Variants in PLCG2 observed in about 807,000 individuals in gnomAD.
PLCG2 encodes the protein 1-phosphatidylinositol 4,5-bisphosphate phosphodiesterase gamma-2.
PLCG2 carries 69 observed loss-of-function variants against 175.6 expected under a neutral mutation model. That is an observed-to-expected ratio of 0.39 (90% CI 0.32 to 0.48). The LOEUF (loss-of-function observed/expected upper bound fraction) is 0.48. Ranked by LOEUF, PLCG2 falls within the 20% of genes least tolerant of loss-of-function variation. The probability of loss-of-function intolerance (pLI) is 0.91; values close to 1 mark genes in which losing one functional copy is unlikely to be tolerated. For synonymous variants in PLCG2, 827 were observed against 624.0 expected (o/e 1.33, Z -4.85); for missense variants, 1,798 against 1,650.9 (o/e 1.09, Z -1.54).
chr16:81,873,876 G>C (rs4888184), intron 7 of PLCG2, among the ~76,000 whole-genome samples: 2 of 152,126 alleles, frequency 1.3e-5, no homozygotes, highest in Non-Finnish European at 1.5e-5. Flanking sequence ...CATTCCACAT[G>C]AGAGGTATTT....
At chr16:81,896,457 A>G (rs12933680) in intron 13 of PLCG2, among the ~76,000 whole-genome samples, 53,845 of 150,040 alleles carry the variant, frequency 0.36, 11,181 homozygotes, top group East Asian at 0.72. Flanking sequence ...ATGTGCCTGT[A>G]GTCCCAGTTA....
At chr16:81,779,256 C>G (rs1263394103), upstream of PLCG2, 1 of 151,010 alleles carries the variant, frequency 6.6e-6, no homozygotes, top group Non-Finnish European at 1.5e-5. Context: ...GGGGCGGCCC[C>G]CGAGGATCAC....
intron 31 of PLCG2, among the ~76,000 whole-genome samples, chr16:81,949,154 G>A (rs1911269671): frequency 6.6e-6 from 1 of 152,204 alleles, no homozygotes; most frequent in African/African-American, 2.4e-5. Flanking sequence ...TGGGCTGGGA[G>A]GACAGATGCC....
chr16:81,912,448 G>T (rs2035907915), intron 18 of PLCG2, 149 bp from the exon 19 acceptor site: 1 of 926,582 alleles, frequency 1.1e-6, no homozygotes. Flanking sequence ...AGGTGCCTTT[G>T]TCTGGGGAAG....
intron 2 of PLCG2, among the ~76,000 whole-genome samples, chr16:81,813,743 C>T (rs1201573051): frequency 3.3e-5 from 5 of 149,764 alleles, no homozygotes. Context: ...TTCTGGGCCA[C>T]CAGTGTTCCT....
intron 27 of PLCG2, chr16:81,937,539 T>C: frequency 2.3e-6 from 1 of 430,350 alleles, no homozygotes; most frequent in Non-Finnish European, 4.1e-6. Context: ...TTTTCTTTTA[T>C]GATTCGGGAT....
At chr16:81,751,339 T>G (rs1909808940) in intron 1 of PLCG2, among the ~76,000 whole-genome samples, 1 of 152,172 alleles carries the variant, frequency 6.6e-6, no homozygotes. Flanking sequence ...TGGATAAAGA[T>G]GGAGAACATT....
rs551017724 is a variant in PLCG2 at position 81,755,424 on chromosome 16, TC to T, written c.-144-445del. Among the ~76,000 whole-genome samples, 738 of 151,684 alleles carry T rather than the reference TC, an allele frequency of 4.9e-3. 7 individuals carry two copies. Among genetic ancestry groups the T allele is most frequent in the Non-Finnish European group, 8.2e-3 (554 of 67,908 alleles). ...TGTCACTATGTTGCCCAGGCTGGTC[TC>T]AAACTTCTGAGCTCTAGTGATCTGC... On this transcript the variant is annotated intron_variant, in intron 1 of 5. Coordinates refer to the PLCG2 transcript ENST00000565054.
chr16:81,759,352 C>G (rs1009703520), intron 2 of PLCG2, among the ~76,000 whole-genome samples: 1 of 152,136 alleles, frequency 6.6e-6, no homozygotes, highest in Non-Finnish European at 1.5e-5. Context: ...GAAAAAGAAC[C>G]TCCCACAGAC....
intron 19 of PLCG2, among the ~76,000 whole-genome samples, chr16:81,916,303 AAAC>A (rs911126315): frequency 5.9e-5 from 9 of 151,928 alleles, no homozygotes; most frequent in Non-Finnish European, 8.8e-5. Context: ...AAAAGAAAAA[AAAC>A]AACGTTTTTT....
intron 12 of PLCG2, among the ~76,000 whole-genome samples, 174 bp downstream of exon 12, chr16:81,893,968 T>C (rs1597113688): frequency 6.6e-6 from 1 of 150,680 alleles, no homozygotes; most frequent in South Asian, 2.1e-4. Flanking sequence ...TTTCTTTTTT[T>C]TTTTTTTTTT....
chr16:81,933,856 G>A (rs1910603802), intron 25 of PLCG2, among the ~76,000 whole-genome samples: 1 of 152,204 alleles, frequency 6.6e-6, no homozygotes, highest in Admixed American at 6.5e-5. Flanking sequence ...ATCCTTACAT[G>A]CAAGGAGTTA....
intron 2 of PLCG2, among the ~76,000 whole-genome samples, chr16:81,794,374 G>A (rs1043531923): frequency 3.3e-5 from 5 of 152,136 alleles, no homozygotes; most frequent in East Asian, 1.9e-4. Flanking sequence ...TTATTTTCTC[G>A]CTGGCATCTC....
intron 2 of PLCG2, among the ~76,000 whole-genome samples, chr16:81,829,850 A>G (rs1905190878): frequency 6.6e-6 from 1 of 151,438 alleles, no homozygotes; most frequent in Non-Finnish European, 1.5e-5. Flanking sequence ...TGGATGGGGA[A>G]GGAACCTCTG....
chr16:81,910,333 C>T (rs1275889846), intron 17 of PLCG2, among the ~76,000 whole-genome samples, 187 bp from the exon 18 acceptor site: 3 of 152,196 alleles, frequency 2.0e-5, no homozygotes, highest in Non-Finnish European at 4.4e-5. Flanking sequence ...TCAGGTGATC[C>T]ACCCGTCTCG....
chr16:81,944,634 TTTTTA>T (rs1266355822), intron 30 of PLCG2, among the ~76,000 whole-genome samples: 8 of 152,072 alleles, frequency 5.3e-5, no homozygotes, highest in Non-Finnish European at 8.8e-5. Context: ...CCAGCTAAAT[TTTTTA>T]TTTTATTTTA....
At chr16:81,756,344 A>G (rs969416836) in intron 2 of PLCG2, among the ~76,000 whole-genome samples, 2 of 152,252 alleles carry the variant, frequency 1.3e-5, no homozygotes, top group Admixed American at 1.3e-4. Flanking sequence ...AGTATATGCC[A>G]GTCACTGACC....
chr16:81,949,894 G>C (rs1331930269), intron 31 of PLCG2, among the ~76,000 whole-genome samples: 1 of 152,168 alleles, frequency 6.6e-6, no homozygotes, highest in Non-Finnish European at 1.5e-5. Flanking sequence ...TAGGGAATCA[G>C]TCAGTAAATA....
At chr16:81,855,806 T>C (rs540018291) in intron 3 of PLCG2, among the ~76,000 whole-genome samples, 1 of 152,184 alleles carries the variant, frequency 6.6e-6, no homozygotes, top group African/African-American at 2.4e-5. Context: ...AAGGCTGTGG[T>C]GTGTGCCAGG....
Sources: gnomAD v4.1 joint callset for allele counts (sites outside exome capture counted in the v4.1 genomes callset) on GRCh38, gnomAD v4.1.1 for gene constraint, MANE v1.5 for transcripts, NCBI Gene and HGNC (gene_info 2026-07-23, HGNC 2026-07-21) for gene names.